Variants in TRPM1 observed in about 807,000 individuals in gnomAD.
The protein encoded by TRPM1 is TRPM1-203 APA Isoform, Intron 10.
Under a neutral mutation model 149.4 loss-of-function variants are expected in TRPM1, and 113 were observed. The ratio of observed to expected loss-of-function variants is 0.76; its 90% CI spans 0.65 to 0.88. The LOEUF (loss-of-function observed/expected upper bound fraction) is 0.88, where lower values mean the gene tolerates loss of function less well. Ranked by LOEUF, TRPM1 falls within the 40% of genes least tolerant of loss-of-function variation. The pLI, the probability that TRPM1 is intolerant of heterozygous loss-of-function variation, is 0.00. For synonymous variants in TRPM1, 741 were observed against 759.5 expected (o/e 0.98, Z 0.40); for missense variants, 1,976 against 2,038.7 (o/e 0.97, Z 0.59).
upstream of TRPM1, among the ~76,000 whole-genome samples, chr15:31,106,405 G>C (rs1446083256): frequency 2.6e-5 from 4 of 151,856 alleles, no homozygotes; most frequent in African/African-American, 9.7e-5. Flanking sequence ...CAAGGTGCTG[G>C]GATTACAGGT....
rs770003788 is a variant in TRPM1 at position 31,049,517 on chromosome 15, G to T, written c.1438-8C>A. Reference sequence around the variant, plus strand: ...TTGCTCCAAAGCATTCACCTGCAGGGACCAAGGGCCGGGAGCCTGTGAGTG... The same window carrying T: ...TTGCTCCAAAGCATTCACCTGCAGGTACCAAGGGCCGGGAGCCTGTGAGTG... On this transcript the variant is annotated splice_region_variant and splice_polypyrimidine_tract_variant and intron_variant, in intron 12 of 27. Coordinates refer to ENST00000256552, the MANE Select transcript of TRPM1 (RefSeq NM_001252024.2). 6.2e-7 allele frequency: 1 copy of T among 1,613,586 alleles called. No individual in the cohort carries two copies. Among genetic ancestry groups the T allele is most frequent in the Admixed American group, 1.7e-5 (1 of 60,030 alleles).
chr15:31,108,868 A>AT (rs1055093619), intron 1 of TRPM1, among the ~76,000 whole-genome samples: 3 of 152,078 alleles, frequency 2.0e-5, no homozygotes, highest in Non-Finnish European at 4.4e-5. Flanking sequence ...AGTGGAAAGT[A>AT]TTTTTTTCCA....
intron 1 of TRPM1, among the ~76,000 whole-genome samples, chr15:31,155,594 A>G (rs1359284719): frequency 1.3e-5 from 2 of 152,240 alleles, no homozygotes; most frequent in Admixed American, 6.5e-5. Context: ...CAAGACTGAT[A>G]TAACAGACAA....
chr15:31,115,142 C>T (rs1472048625), intron 1 of TRPM1, among the ~76,000 whole-genome samples: 2 of 152,152 alleles, frequency 1.3e-5, no homozygotes, highest in African/African-American at 4.8e-5. Flanking sequence ...CCTGTCATCC[C>T]AGCTACTCAG....
At chr15:31,124,225 C>T (rs986742543) in intron 1 of TRPM1, among the ~76,000 whole-genome samples, 3 of 151,608 alleles carry the variant, frequency 2.0e-5, no homozygotes, top group African/African-American at 7.3e-5. Flanking sequence ...GCAGAGGTTG[C>T]AGTGAGCCGA....
intron 11 of TRPM1, among the ~76,000 whole-genome samples, chr15:31,053,863 A>C (rs2034013240): frequency 6.6e-6 from 1 of 152,254 alleles, no homozygotes; most frequent in African/African-American, 2.4e-5. Context: ...TTGGATAAGC[A>C]AAATGTGGTC....
intron 11 of TRPM1, among the ~76,000 whole-genome samples, chr15:31,055,439 G>C (rs909819606): frequency 1.3e-5 from 2 of 152,212 alleles, no homozygotes; most frequent in Non-Finnish European, 2.9e-5. Flanking sequence ...TAATGTGGAG[G>C]TTGCTCTTGA....
chr15:31,040,125 C>G lies in TRPM1; in HGVS notation c.2309G>C (p.Gly770Ala). 2 of 1,614,220 alleles carry G rather than the reference C, an allele frequency of 1.2e-6. No homozygotes were observed. Among genetic ancestry groups the G allele is most frequent in the Non-Finnish European group, 1.7e-6 (2 of 1,180,030 alleles). Residue 770 changes from glycine to alanine, a missense_variant, in exon 18 of 28, where the codon GGC becomes GCC. Physicochemically the swap from Gly to Ala is moderately conservative, Grantham distance 60. Around this residue, in one of 3 missense-constraint regions of TRPM1, gnomAD observed 1,332 missense variants for 1,347.1 expected, o/e 0.99. Coordinates refer to ENST00000256552, the MANE Select transcript of TRPM1 (RefSeq NM_001252024.2). This position sits in a 1 kb window ranked among gnomAD's most constrained non-coding sequence, Gnocchi z 4.2. Reference protein sequence around the residue: ...MGRLRMRKNPGLKVIMGILLP... With the variant: ...MGRLRMRKNPALKVIMGILLP... ...GCAGCACGTTGCACGCACCTTCAGG[C>G]CGGGGTTCTTCCGCATCCGCAGTCT...
At position 31,050,431 on chromosome 15, in the gene TRPM1, C is replaced by T. The variant is rs368895303; in HGVS notation, c.1415G>A (p.Arg472Gln). ...KEEVEEETDP[R>Q]KIELLNWVNA... ...TACCCAGTTCAGCAGCTCTATCTTC[C>T]GGGGGTCAGTTTCTTCCTCCACTTC... Residue 472 changes from arginine to glutamine, a missense_variant, in exon 12 of 28, where the codon CGG (arginine) becomes CAG (glutamine). Coordinates refer to ENST00000256552, the MANE Select transcript of TRPM1 (RefSeq NM_001252024.2). 7.0e-5 allele frequency: 113 copies of T among 1,613,952 alleles called. No homozygotes were observed. Among genetic ancestry groups the T allele is most frequent in the Non-Finnish European group, 8.8e-5 (104 of 1,180,008 alleles).
chr15:31,016,288 A>G (rs2032352804), intron 27 of TRPM1, among the ~76,000 whole-genome samples: 1 of 152,258 alleles, frequency 6.6e-6, no homozygotes, highest in African/African-American at 2.4e-5. Context: ...TGTTTTTAGT[A>G]TAACAAGTAT....
At chr15:31,149,121 C>A (rs2036259656) in intron 1 of TRPM1, among the ~76,000 whole-genome samples, 1 of 152,180 alleles carries the variant, frequency 6.6e-6, no homozygotes, top group African/African-American at 2.4e-5. Context: ...TAGCCAATGT[C>A]CCAGATCTAC....
Position 31,145,017 on chromosome 15 carries a change from C to CG in TRPM1, c.54+15888dup, listed in dbSNP as rs1469138353. Among the ~76,000 whole-genome samples, 23 of 152,194 alleles carry CG rather than the reference C, an allele frequency of 1.5e-4. 1 individual carries two copies. In the East Asian group the frequency reaches 3.9e-3, roughly 26 times the overall value. On this transcript the variant is annotated intron_variant, in intron 1 of 26. Transcript: ENST00000542188. ...AGGCGTGAGCCACCGCACCCAGCCC[C>CG]GGCCTTGTTTTTGAGTTTTTATTAT... is the stretch of plus-strand genomic sequence containing the variant.
chr15:31,067,988 G>C lies in TRPM1; in HGVS notation c.384C>G (p.Gly128=). The change falls in exon 5 of 28, where the codon GGC becomes GGG. Residue 128 remains glycine (G), a synonymous_variant. Transcript: ENST00000256552. ...LPKLLISVHG[G]LQNFEMQPKL... is the part of the protein sequence containing the mutation. Reference sequence around the variant, plus strand: ...TGGGCTGCATCTCAAAGTTCTGGAGGCCTCCATGCACAGATATTAAGAGCT... The same window carrying C: ...TGGGCTGCATCTCAAAGTTCTGGAGCCCTCCATGCACAGATATTAAGAGCT... 1 of 1,614,110 alleles carries C rather than the reference G, an allele frequency of 6.2e-7. No homozygotes were observed.
intron 1 of TRPM1, among the ~76,000 whole-genome samples, chr15:31,096,301 T>C (rs2035384593): frequency 6.6e-6 from 1 of 152,194 alleles, no homozygotes; most frequent in Non-Finnish European, 1.5e-5. Flanking sequence ...TTCTCTAAAC[T>C]ATGTGCAGAC....
intron 1 of TRPM1, among the ~76,000 whole-genome samples, chr15:31,110,860 T>C (rs1377558063): frequency 6.6e-6 from 1 of 151,952 alleles, no homozygotes; most frequent in Non-Finnish European, 1.5e-5. Flanking sequence ...TCTCTCACTT[T>C]TTCTTTTCTT....
intron 27 of TRPM1, among the ~76,000 whole-genome samples, chr15:31,009,913 C>G (rs1473512023): frequency 6.6e-6 from 1 of 152,102 alleles, no homozygotes; most frequent in African/African-American, 2.4e-5. Flanking sequence ...TTCTCTGAGA[C>G]TTTCTAGTTT....
chr15:31,083,114 T>G (rs1033868025), intron 1 of TRPM1, among the ~76,000 whole-genome samples: 29 of 152,112 alleles, frequency 1.9e-4, no homozygotes, highest in Admixed American at 6.5e-5. Flanking sequence ...GGCTTCTGAA[T>G]GTAAGAGCTG....
intron 1 of TRPM1, among the ~76,000 whole-genome samples, chr15:31,132,335 C>T (rs1012318001): frequency 9.2e-5 from 14 of 152,294 alleles, no homozygotes; most frequent in African/African-American, 3.1e-4. Context: ...CTCAAGTGCT[C>T]GGCTCCTGAT....
chr15:31,084,940 C>T (rs866553666), intron 1 of TRPM1, among the ~76,000 whole-genome samples: 1 of 151,540 alleles, frequency 6.6e-6, no homozygotes, highest in South Asian at 2.1e-4. Flanking sequence ...CCACCTGCCT[C>T]AGCCTCCCAA....
Sources: gnomAD v4.1 joint callset for allele counts (sites outside exome capture counted in the v4.1 genomes callset) on GRCh38, gnomAD v4.1.1 for gene constraint, gnomAD v4.1.1 regional missense constraint, Gnocchi (gnomAD v3.1) non-coding constraint, MANE v1.5 for transcripts, NCBI Gene and HGNC (gene_info 2026-07-23, HGNC 2026-07-21) for gene names.